Variants in ADCY5 observed in about 807,000 individuals in gnomAD.
ADCY5 encodes adenylate cyclase 5, also known as adenylate cyclase type 5.
In ADCY5, 30 loss-of-function variants were observed where a neutral mutation model predicts 119.7. The ratio of observed to expected loss-of-function variants is 0.25; its 90% CI spans 0.19 to 0.34. ADCY5 has a LOEUF of 0.34. ADCY5 is among the 10% of genes least tolerant of loss of function. The pLI is 1.00. For missense variants in ADCY5, 1,324 were observed against 1,775.2 expected (o/e 0.75, Z 4.57); for synonymous variants, 753 against 762.2 (o/e 0.99, Z 0.20).
intron 1 of ADCY5, among the ~76,000 whole-genome samples, chr3:123,375,845 T>C (rs747750259): frequency 6.6e-6 from 1 of 152,202 alleles, no homozygotes; most frequent in Admixed American, 6.5e-5. Flanking sequence ...CCTGTTCACC[T>C]GTCCATGTCA....
chr3:123,361,258 A>G (rs906325992), intron 1 of ADCY5, among the ~76,000 whole-genome samples: 1 of 152,170 alleles, frequency 6.6e-6, no homozygotes, highest in African/African-American at 2.4e-5. Flanking sequence ...GCTATGGGTG[A>G]GAAAGGCCCA....
intron 1 of ADCY5, among the ~76,000 whole-genome samples, chr3:123,427,443 C>T (rs867974956): frequency 8.1e-4 from 123 of 152,310 alleles, no homozygotes; most frequent in African/African-American, 2.9e-3. Context: ...TCTCCCTGGC[C>T]CCTGGTTTAG....
chr3:123,436,243 T>C (rs1945614045), intron 1 of ADCY5, among the ~76,000 whole-genome samples: 1 of 151,932 alleles, frequency 6.6e-6, no homozygotes, highest in African/African-American at 2.4e-5. Flanking sequence ...CATGGTGTTG[T>C]GCACCTGTAG....
rs1938610269 is a variant in ADCY5 at position 123,284,651 on chromosome 3, T to A, written c.3743A>T (p.Glu1248Val). 1 of 1,614,110 alleles carries A rather than the reference T, an allele frequency of 6.2e-7. No individual in the cohort carries two copies. Among genetic ancestry groups the A allele is most frequent in the East Asian group, 2.2e-5 (1 of 44,900 alleles). ...RGVVKVKGKGEMMTYFLNGGP... is the reference protein window; with the variant it reads ...RGVVKVKGKGVMMTYFLNGGP... ...TCCATTGAGGAAGTAGGTCATCATC[T>A]CGCCTTTGCCCTTGACCTTGACCAC... is the stretch of plus-strand genomic sequence containing the variant. Residue 1248 changes from glutamate (E) to valine (V), a missense_variant, in exon 21 of 21, where the codon GAG becomes GTG. By Grantham distance (121) the Glu-to-Val change is moderately radical (BLOSUM62 -2). Transcript: ENST00000462833.
In ADCY5 at chr3:123,398,212, C is replaced by T. The variant is rs201477627; in HGVS notation, c.1135-45631G>A. Among the ~76,000 whole-genome samples, 10 of 152,236 alleles carry T rather than the reference C, an allele frequency of 6.6e-5. No individual in the cohort carries two copies. In the East Asian group the frequency reaches 7.7e-4, roughly 12 times the overall value. On this transcript the variant is annotated intron_variant, in intron 1 of 20. Coordinates refer to ENST00000462833, the MANE Select transcript of ADCY5 (RefSeq NM_183357.3). The stretch of plus-strand genomic sequence containing the variant: ...GGTCTCGCCAGCAATGAGGCCCCCA[C>T]GTGATTTCTAACAAAGTTCCCCCCT...
At chr3:123,420,572 G>A (rs1945284198) in intron 1 of ADCY5, among the ~76,000 whole-genome samples, 1 of 152,170 alleles carries the variant, frequency 6.6e-6, no homozygotes, top group African/African-American at 2.4e-5. Context: ...CCAAGAGCCT[G>A]GACCATCTGA....
chr3:123,306,168 T>C (rs1435362732), intron 12 of ADCY5, among the ~76,000 whole-genome samples: 1 of 152,272 alleles, frequency 6.6e-6, no homozygotes, highest in Non-Finnish European at 1.5e-5. Flanking sequence ...CATAAGCTTG[T>C]ATTAAAATCC....
chr3:123,424,785 C>T (rs568638809), intron 1 of ADCY5, among the ~76,000 whole-genome samples: 24 of 152,092 alleles, frequency 1.6e-4, no homozygotes, highest in Non-Finnish European at 2.5e-4. Flanking sequence ...CACGCACGCG[C>T]GCATGTCAGC....
intron 1 of ADCY5, among the ~76,000 whole-genome samples, chr3:123,385,792 G>A (rs115392377): frequency 0.019 from 2,842 of 152,312 alleles, 55 homozygotes; most frequent in Non-Finnish European, 0.025. Context: ...GTAGATACTA[G>A]CTATCAGGAT....
intron 8 of ADCY5, among the ~76,000 whole-genome samples, chr3:123,324,157 C>T (rs1336201068): frequency 6.6e-6 from 1 of 152,092 alleles, no homozygotes; most frequent in Non-Finnish European, 1.5e-5. Context: ...ATTCACTTTC[C>T]CTCCTGTACA....
chr3:123,297,518 C>A, intron 15 of ADCY5, 136 bp from the exon 16 acceptor site: 1 of 972,794 alleles, frequency 1.0e-6, no homozygotes, highest in Non-Finnish European at 1.6e-6. Context: ...CATTCACCCT[C>A]CATATCCAAC....
chr3:123,325,752 C>G (rs944657408), intron 7 of ADCY5, among the ~76,000 whole-genome samples: 4 of 152,240 alleles, frequency 2.6e-5, no homozygotes, highest in African/African-American at 9.6e-5. Context: ...CTGCCATTTG[C>G]AAGGAGTTCT....
intron 1 of ADCY5, among the ~76,000 whole-genome samples, chr3:123,373,028 C>T (rs1452372034): frequency 1.3e-5 from 2 of 152,292 alleles, no homozygotes; most frequent in South Asian, 2.1e-4. Context: ...CTCTCCTGCC[C>T]GGTTAAGGTT....
chr3:123,317,328 A>G (rs1369410832), intron 11 of ADCY5, among the ~76,000 whole-genome samples: 1 of 102,124 alleles, frequency 9.8e-6, no homozygotes, highest in Non-Finnish European at 2.2e-5. Context: ...GCATCTTTTG[A>G]AGATTTTTTT....
chr3:123,322,390 A>AT (rs1406023717), intron 8 of ADCY5, among the ~76,000 whole-genome samples: 20 of 152,004 alleles, frequency 1.3e-4, no homozygotes, highest in Non-Finnish European at 2.6e-4. Context: ...CATGGGACCC[A>AT]TTTTTTCTTC....
At chr3:123,367,928 A>G in intron 1 of ADCY5, 1 of 1,535,562 alleles carries the variant, frequency 6.5e-7, no homozygotes, top group Non-Finnish European at 8.7e-7. Flanking sequence ...CGGAACCTAG[A>G]TGGGGCCATG....
chr3:123,373,872 G>A (rs1943731395), intron 1 of ADCY5, among the ~76,000 whole-genome samples: 1 of 150,648 alleles, frequency 6.6e-6, no homozygotes, highest in African/African-American at 2.4e-5. Context: ...GCAACCTTGG[G>A]AAACATCTCT....
At chr3:123,346,931 AC>A (rs1195555099) in intron 3 of ADCY5, among the ~76,000 whole-genome samples, 2 of 151,910 alleles carry the variant, frequency 1.3e-5, no homozygotes, top group African/African-American at 2.4e-5. Context: ...CAGATTTTGC[AC>A]TCTATTAATC....
In ADCY5 at chr3:123,313,248, G is replaced by A. The variant is rs976947536; in HGVS notation, c.2442+987C>T. Among the ~76,000 whole-genome samples, 4 of 152,274 alleles carry A rather than the reference G, an allele frequency of 2.6e-5. No homozygotes were observed. In the East Asian group the frequency reaches 5.8e-4, roughly 22 times the overall value. ...TCCACCAAGACCTTGACCATGACGT[G>A]ACTATACGGTTAACAGACTAATAAG... On this transcript the variant is annotated intron_variant, in intron 12 of 20. Transcript: ENST00000462833.
Sources: gnomAD v4.1 joint callset for allele counts (sites outside exome capture counted in the v4.1 genomes callset) on GRCh38, gnomAD v4.1.1 for gene constraint, MANE v1.5 for transcripts, NCBI Gene and HGNC (gene_info 2026-07-23, HGNC 2026-07-21) for gene names.